Variants in CTNNA3 observed in about 807,000 individuals in gnomAD.
The protein encoded by CTNNA3 is catenin alpha-3.
Under a neutral mutation model 95.7 loss-of-function variants are expected in CTNNA3, and 76 were observed. The ratio of observed to expected loss-of-function variants is 0.79; its 90% CI spans 0.66 to 0.96. The LOEUF (loss-of-function observed/expected upper bound fraction) is 0.96. Ranked by LOEUF, CTNNA3 falls within the 40% of genes least tolerant of loss-of-function variation. CTNNA3 has a pLI of 0.00. For synonymous variants in CTNNA3, 431 were observed against 374.4 expected (o/e 1.15, Z -1.74); for missense variants, 1,191 against 1,089.8 (o/e 1.09, Z -1.31).
intron 5 of CTNNA3, among the ~76,000 whole-genome samples, chr10:67,424,413 C>T (rs574920924): frequency 7.6e-4 from 115 of 152,118 alleles, no homozygotes; most frequent in Non-Finnish European, 1.6e-3. Context: ...TTGATATTTA[C>T]ATATGAGTTT....
chr10:66,905,600 T>C (rs7904215), intron 7 of CTNNA3, among the ~76,000 whole-genome samples: 54,562 of 151,958 alleles, frequency 0.36, 10,443 homozygotes, highest in Non-Finnish European at 0.43. Context: ...ATAGTCAAGA[T>C]ATAACAAGCA....
At chr10:66,570,618 A>C (rs1362709899) in intron 10 of CTNNA3, among the ~76,000 whole-genome samples, 1 of 151,936 alleles carries the variant, frequency 6.6e-6, no homozygotes, top group Admixed American at 6.6e-5. Flanking sequence ...GACCAAACAC[A>C]TCAGAACAAA....
At position 67,727,323 on chromosome 10, in the gene CTNNA3, T is replaced by G. The variant is rs533466624; in HGVS notation, c.-2+36111A>C. ...TATATATTATATATGATATATTATA[T>G]ATTTATATATTATTGTATATTATAT... On this transcript the variant is annotated intron_variant, in intron 1 of 17. Coordinates refer to the CTNNA3 transcript ENST00000684154. 4.5e-5 allele frequency among the ~76,000 whole-genome samples: 6 copies of G among 133,278 alleles called. No homozygotes were observed. The South Asian group carries it at 1.1e-3, about 25-fold the overall frequency. 87.4% of individuals were successfully genotyped at this position (133,278 alleles called of 152,430 possible). A position where few individuals can be genotyped will look rare whatever the true frequency, so the allele number is the denominator to read the frequency against.
At chr10:66,253,929 T>G (rs2090658485) in intron 13 of CTNNA3, among the ~76,000 whole-genome samples, 1 of 152,200 alleles carries the variant, frequency 6.6e-6, no homozygotes. Context: ...GATTTCAGCA[T>G]AGATGACAAA....
At chr10:67,712,392 G>T (rs372065241) in intron 1 of CTNNA3, among the ~76,000 whole-genome samples, 6 of 152,312 alleles carry the variant, frequency 3.9e-5, no homozygotes, top group South Asian at 4.1e-4. Context: ...TGTCTCCAAG[G>T]CATACCAGAG....
At chr10:66,120,748 G>A (rs917474897) in intron 13 of CTNNA3, among the ~76,000 whole-genome samples, 1 of 152,124 alleles carries the variant, frequency 6.6e-6, no homozygotes, top group African/African-American at 2.4e-5. Context: ...GAGAAGCTAG[G>A]TTGTACCCAG....
At chr10:67,345,333 A>C (rs897158320) in intron 5 of CTNNA3, among the ~76,000 whole-genome samples, 1 of 152,112 alleles carries the variant, frequency 6.6e-6, no homozygotes, top group East Asian at 1.9e-4. Flanking sequence ...TGTTCTGTAA[A>C]TATCTACTAG....
At chr10:65,987,842 G>T (rs1233533555) in intron 16 of CTNNA3, among the ~76,000 whole-genome samples, 2 of 151,930 alleles carry the variant, frequency 1.3e-5, no homozygotes, top group Non-Finnish European at 2.9e-5. Flanking sequence ...AAGCACAATG[G>T]AATATTCAGG....
chr10:67,440,100 G>T (rs1373237278), intron 5 of CTNNA3, among the ~76,000 whole-genome samples: 1 of 152,198 alleles, frequency 6.6e-6, no homozygotes, highest in Admixed American at 6.5e-5. Context: ...CCAGAAGGGA[G>T]CCCACATCCC....
At chr10:65,951,629 C>T (rs2077614895) in intron 17 of CTNNA3, among the ~76,000 whole-genome samples, 3 of 152,178 alleles carry the variant, frequency 2.0e-5, no homozygotes, top group South Asian at 4.2e-4. Flanking sequence ...CACTCCTCTC[C>T]TACCTCCCAC....
chr10:66,950,727 T>C (rs913355349), intron 7 of CTNNA3, among the ~76,000 whole-genome samples: 1 of 152,166 alleles, frequency 6.6e-6, no homozygotes, highest in Non-Finnish European at 1.5e-5. Context: ...TGTAGCTACA[T>C]GCAAAACATT....
chr10:67,576,333 G>A (rs10762174), intron 3 of CTNNA3, among the ~76,000 whole-genome samples: 61,140 of 151,830 alleles, frequency 0.4, 15,907 homozygotes, highest in African/African-American at 0.71. Context: ...TGAATTATCT[G>A]AAGTATCTGG....
intron 7 of CTNNA3, among the ~76,000 whole-genome samples, chr10:66,902,124 A>T (rs1164897803): frequency 6.6e-6 from 1 of 152,114 alleles, no homozygotes; most frequent in Non-Finnish European, 1.5e-5. Context: ...TGACCACATG[A>T]TTGGAAGTAA....
intron 16 of CTNNA3, among the ~76,000 whole-genome samples, chr10:65,971,787 G>A (rs2078109270): frequency 6.6e-6 from 1 of 151,968 alleles, no homozygotes; most frequent in Non-Finnish European, 1.5e-5. Flanking sequence ...TGGAGAAGGA[G>A]AGACTCCTCT....
chr10:67,305,273 G>A (rs1377670365), intron 5 of CTNNA3, among the ~76,000 whole-genome samples: 4 of 151,484 alleles, frequency 2.6e-5, no homozygotes, highest in Non-Finnish European at 5.9e-5. Flanking sequence ...GAGACTCCAC[G>A]TTAGTGGGTG....
chr10:67,183,162 C>T (rs1328643512), intron 6 of CTNNA3, among the ~76,000 whole-genome samples: 8 of 152,248 alleles, frequency 5.3e-5, no homozygotes, highest in Non-Finnish European at 8.8e-5. Context: ...CTACAAATAC[C>T]ATTTGACCCA....
chr10:67,390,180 A>T (rs1209888447), intron 5 of CTNNA3, among the ~76,000 whole-genome samples: 1 of 152,152 alleles, frequency 6.6e-6, no homozygotes, highest in Non-Finnish European at 1.5e-5. Flanking sequence ...ATAAAGAAAA[A>T]GAGAAGAATC....
chr10:66,357,260 G>A (rs75072973), intron 12 of CTNNA3, among the ~76,000 whole-genome samples: 2,690 of 152,178 alleles, frequency 0.018, 93 homozygotes, highest in East Asian at 0.17. Context: ...CATTTAAACT[G>A]CCAATTTAAT....
At chr10:66,507,150 C>T (rs982189414) in intron 11 of CTNNA3, among the ~76,000 whole-genome samples, 4 of 152,102 alleles carry the variant, frequency 2.6e-5, no homozygotes, top group Non-Finnish European at 5.9e-5. Flanking sequence ...AGGTCATGCT[C>T]ACTATGATGT....
Sources: gnomAD v4.1 joint callset for allele counts (sites outside exome capture counted in the v4.1 genomes callset) on GRCh38, gnomAD v4.1.1 for gene constraint, MANE v1.5 for transcripts, NCBI Gene and HGNC (gene_info 2026-07-23, HGNC 2026-07-21) for gene names.